The following CREBBP variants were observed in gnomAD, a reference collection of about 807,000 sequenced individuals.
CREBBP encodes the protein CREB-binding protein.
A neutral mutation model predicts 265.0 loss-of-function variants in CREBBP; 19 were observed. That is an observed-to-expected ratio of 0.07 (90% CI 0.05 to 0.11). The LOEUF (loss-of-function observed/expected upper bound fraction) is 0.11. CREBBP is among the 10% of genes least tolerant of loss of function. The pLI is 1.00. For synonymous variants in CREBBP, 1,457 were observed against 1,223.7 expected (o/e 1.19, Z -3.98); for missense variants, 2,525 against 3,219.0 (o/e 0.78, Z 5.22).
chr16:3,862,481 T>C (rs1223123345), intron 1 of CREBBP, among the ~76,000 whole-genome samples: 1 of 152,194 alleles, frequency 6.6e-6, no homozygotes, highest in Admixed American at 6.5e-5. Context: ...ATAAACCGAA[T>C]TGTCTTAAAA....
chr16:3,736,102 C>T lies in CREBBP; in HGVS notation c.4662G>A (p.Lys1554=), dbSNP rs771337474. ...FWPNVLEESI[K]ELEQEEEERK... ...TCTCCTCTTCTTCTTGTTCTAGTTC[C>T]TTAATGCTCTCTTCTAACACATTGG... The change falls in exon 28 of 31, where the codon AAG becomes AAA. Residue 1554 remains lysine, a synonymous_variant. Coordinates refer to ENST00000262367, the MANE Select transcript of CREBBP (RefSeq NM_004380.3). The T allele has an allele frequency of 2.5e-6, 4 of 1,614,204 alleles. No individual in the cohort carries two copies. The highest frequency in any genetic ancestry group is 2.2e-5 in the East Asian group (1 of 44,878).
chr16:3,841,818 C>T (rs1277385768), intron 2 of CREBBP, among the ~76,000 whole-genome samples: 5 of 152,124 alleles, frequency 3.3e-5, no homozygotes, highest in Non-Finnish European at 5.9e-5. Context: ...TTACGGTCAC[C>T]GGTGAGCTGG....
At chr16:3,737,726 A>G (rs1261208989) in intron 26 of CREBBP, among the ~76,000 whole-genome samples, 5 of 150,244 alleles carry the variant, frequency 3.3e-5, no homozygotes, top group Non-Finnish European at 7.4e-5. Context: ...GGCCTCCCAA[A>G]GTACTAGGAT....
At chr16:3,827,931 ATCC>A (rs2054270001) in intron 2 of CREBBP, among the ~76,000 whole-genome samples, 1 of 152,110 alleles carries the variant, frequency 6.6e-6, no homozygotes, top group South Asian at 2.1e-4. Flanking sequence ...GGCTCAAGCA[ATCC>A]TCCTGCCTCA....
rs560796220 is a variant in CREBBP at position 3,742,096 on chromosome 16, A to G, written c.3983-1547T>C. ...ACTCTGTCTGCACAAACAAAACAAA[A>G]CAAAAAAAAAACAAAAAAACCCCCC... On this transcript the variant is annotated intron_variant, in intron 23 of 30. Transcript: ENST00000262367. The G allele has an allele frequency of 3.5e-5, 5 of 143,104 alleles. No individual in the cohort carries two copies. The South Asian group carries it at 1.1e-3, about 31-fold the overall frequency. 8.9% of individuals were successfully genotyped at this position (143,104 alleles called of 1,614,324 possible).
Position 3,728,453 on chromosome 16 carries a change from C to T in CREBBP, c.6594G>A (p.Leu2198=). Residue 2198 remains leucine (L), a synonymous_variant, in exon 31 of 31, where the codon CTG becomes CTA. Coordinates refer to ENST00000262367, the MANE Select transcript of CREBBP (RefSeq NM_004380.3). The surrounding 1 kb of genome is among the most constrained non-coding windows in gnomAD (Gnocchi z 8.7). ...GCTGCTGCTGTTGCTGCTGCTGCTG[C>T]AGCAGCTGCCTCCGTAACATTTCTC... ...QYREMLRRQL[L]QQQQQQQQQQ... The T allele has an allele frequency of 6.2e-7, 1 of 1,613,528 alleles. No homozygotes were observed. The highest frequency in any genetic ancestry group is 1.7e-5 in the Admixed American group (1 of 60,006).
chr16:3,814,602 T>C (rs377455340), intron 2 of CREBBP, among the ~76,000 whole-genome samples: 2 of 152,158 alleles, frequency 1.3e-5, no homozygotes, highest in Non-Finnish European at 2.9e-5. Flanking sequence ...GGAAGCGCTC[T>C]GACAGATTTC....
chr16:3,836,793 A>C lies in CREBBP; in HGVS notation c.798+13504T>G, dbSNP rs184245434. 7.4e-4 allele frequency among the ~76,000 whole-genome samples: 112 copies of C among 152,358 alleles called. 2 individuals carry two copies. The highest frequency in any genetic ancestry group is 2.3e-3 in the African/African-American group (97 of 41,584). On this transcript the variant is annotated intron_variant, in intron 2 of 30. Coordinates refer to ENST00000262367, the MANE Select transcript of CREBBP (RefSeq NM_004380.3). ...ATGTGTTGCATAACAACATTTCAGT[A>C]AACTACAGACCTCATACACAGTGGT...
chr16:3,766,870 C>A (rs2052865808), intron 16 of CREBBP, among the ~76,000 whole-genome samples: 1 of 152,100 alleles, frequency 6.6e-6, no homozygotes, highest in Non-Finnish European at 1.5e-5. Context: ...GATAGATAAT[C>A]CACACAACAA....
chr16:3,772,276 T>A (rs1310926771), intron 13 of CREBBP, among the ~76,000 whole-genome samples: 1 of 150,462 alleles, frequency 6.6e-6, no homozygotes, highest in East Asian at 1.9e-4. Flanking sequence ...TATACATCCA[T>A]AAGTACCCTT....
At chr16:3,780,113 G>A (rs907259309) in intron 8 of CREBBP, among the ~76,000 whole-genome samples, 12 of 151,766 alleles carry the variant, frequency 7.9e-5, no homozygotes, top group East Asian at 3.9e-4. Context: ...GTGGTGGCAC[G>A]TGCTTGTAAT....
chr16:3,864,916 A>C (rs1249848221), intron 1 of CREBBP, among the ~76,000 whole-genome samples: 1 of 152,130 alleles, frequency 6.6e-6, no homozygotes, highest in Non-Finnish European at 1.5e-5. Flanking sequence ...AAAATACAAA[A>C]ATTAGCGGGG....
chr16:3,849,157 G>A (rs1222593547), intron 2 of CREBBP, among the ~76,000 whole-genome samples: 1 of 152,140 alleles, frequency 6.6e-6, no homozygotes, highest in Non-Finnish European at 1.5e-5. Flanking sequence ...CTGTTGAGAA[G>A]CCTCTGGCCG....
Position 3,778,750 on chromosome 16 carries a change from C to T in CREBBP, c.1891G>A (p.Ala631Thr), listed in dbSNP as rs2141237578. 1 of 1,614,144 alleles carries T rather than the reference C, an allele frequency of 6.2e-7. No homozygotes were observed. The highest frequency in any genetic ancestry group is 8.5e-7 in the Non-Finnish European group (1 of 1,179,984). ...TCCCCTTCCACTTTCTTAGCATAGG[C>T]TACCAGGTTTTCCATGCGGCGATCC... ...LKDRRMENLV[A>T]YAKKVEGDMY... is the part of the protein sequence containing the mutation. The change falls in exon 9 of 31, where the codon GCC (alanine) becomes ACC (threonine). Residue 631 changes from alanine (A) to threonine (T), a missense_variant. By Grantham distance (58) the Ala-to-Thr change is moderately conservative. Coordinates refer to ENST00000262367, the MANE Select transcript of CREBBP (RefSeq NM_004380.3).
chr16:3,830,101 C>CA (rs1307312087), intron 2 of CREBBP, among the ~76,000 whole-genome samples: 6 of 152,172 alleles, frequency 3.9e-5, no homozygotes, highest in African/African-American at 1.4e-4. Context: ...ACTTAAGAGA[C>CA]AAAGTTAAGA....
intron 16 of CREBBP, 99 bp from the exon 17 acceptor site, chr16:3,759,071 C>A: frequency 1.1e-6 from 1 of 921,212 alleles, no homozygotes; most frequent in South Asian, 1.3e-5. Flanking sequence ...GACATCCCAG[C>A]CACGATGCTC....
intron 2 of CREBBP, among the ~76,000 whole-genome samples, chr16:3,849,436 T>TGTGTGTGTGTGTGTGTGTG (rs2054758448): frequency 3.5e-4 from 4 of 11,400 alleles, no homozygotes; most frequent in Non-Finnish European, 6.2e-4. Context: ...TGTGTGTGTG[T>TGTGTGTGTGTGTGTGTGTG]GTGTGTGTGT....
rs904755288 is a variant in CREBBP at position 3,726,557 on chromosome 16, A to G, written c.*1161T>C. On this transcript the variant is annotated 3_prime_UTR_variant, in exon 31 of 31. Transcript: ENST00000262367. ...CTCTCCGCTATGAGCGAACAACCAGAACCATGTCTTACAAAGAACAGACTC... is the reference window on the plus strand; with the variant it reads ...CTCTCCGCTATGAGCGAACAACCAGGACCATGTCTTACAAAGAACAGACTC... 2 of 233,668 alleles carry G rather than the reference A, an allele frequency of 8.6e-6. No homozygotes were observed. The highest frequency in any genetic ancestry group is 1.7e-5 in the Non-Finnish European group (2 of 118,076). The allele number at this position is 233,668 out of a possible 1,614,324, so 14.5% of individuals were successfully genotyped here.
At chr16:3,836,410 G>C (rs1198725734) in intron 2 of CREBBP, among the ~76,000 whole-genome samples, 1 of 149,578 alleles carries the variant, frequency 6.7e-6, no homozygotes, top group African/African-American at 2.5e-5. Context: ...CTCCAGCCTG[G>C]GTGACAGAGC....
Sources: gnomAD v4.1 joint callset for allele counts (sites outside exome capture counted in the v4.1 genomes callset) on GRCh38, gnomAD v4.1.1 for gene constraint, Gnocchi (gnomAD v3.1) non-coding constraint, MANE v1.5 for transcripts, NCBI Gene and HGNC (gene_info 2026-07-23, HGNC 2026-07-21) for gene names.